The following UBA5 variants were observed in gnomAD, a reference collection of about 807,000 sequenced individuals.
UBA5 encodes the protein ubiquitin like modifier activating enzyme 5.
A neutral mutation model predicts 52.9 loss-of-function variants in UBA5; 28 were observed. The ratio of observed to expected loss-of-function variants is 0.53; its 90% CI spans 0.39 to 0.73. The LOEUF is 0.73. Ranked by LOEUF, UBA5 falls within the 30% of genes least tolerant of loss-of-function variation. UBA5 has a pLI of 0.00. For missense variants in UBA5, 388 were observed against 492.7 expected (o/e 0.79, Z 2.01); for synonymous variants, 135 against 162.1 (o/e 0.83, Z 1.27).
chr3:132,677,195 T>G lies in UBA5; in HGVS notation c.*669T>G, dbSNP rs1460790157. The G allele has an allele frequency of 5.1e-6, 1 of 194,692 alleles. No individual in the cohort carries two copies. Among genetic ancestry groups the G allele is most frequent in the Admixed American group, 5.2e-5 (1 of 19,126 alleles). The allele number at this position is 194,692 out of a possible 1,614,324, so 12.1% of individuals were successfully genotyped here. On this transcript the variant is annotated 3_prime_UTR_variant, in exon 12 of 12. Transcript: ENST00000356232. ...CAGCTATTTTCATGAATAGACAAAG[T>G]TGATTTCAGGAAGTATAAATTATAT...
Position 132,677,163 on chromosome 3 carries a change from T to G in UBA5, c.*637T>G, listed in dbSNP as rs951148470. 1 of 190,984 alleles carries G rather than the reference T, an allele frequency of 5.2e-6. No homozygotes were observed. Among genetic ancestry groups the G allele is most frequent in the Non-Finnish European group, 1.1e-5 (1 of 89,932 alleles). 11.8% of individuals were successfully genotyped at this position (190,984 alleles called of 1,614,324 possible). A position where few individuals can be genotyped will look rare whatever the true frequency, so the allele number is the denominator to read the frequency against. On this transcript the variant is annotated 3_prime_UTR_variant, in exon 12 of 12. Coordinates refer to ENST00000356232, the MANE Select transcript of UBA5 (RefSeq NM_024818.6). ...ATATTCAAAGTGAGACAAAGGCAAA[T>G]AAAAAGCAGCTATTTTCATGAATAG...
chr3:132,668,748 CTAATT>C (rs1029265523), intron 3 of UBA5, 65 bp from the exon 4 acceptor site: 16 of 962,658 alleles, frequency 1.7e-5, no homozygotes, highest in Admixed American at 4.6e-5. Context: ...GTAAAGCTCT[CTAATT>C]TATTTTTTGA....
chr3:132,657,326 T>G (rs1287584667), upstream of UBA5, among the ~76,000 whole-genome samples: 1 of 152,250 alleles, frequency 6.6e-6, no homozygotes, highest in Non-Finnish European at 1.5e-5. Flanking sequence ...TGTTCTATTT[T>G]ATTGGTCTGT....
Position 132,660,512 on chromosome 3 carries a change from G to A in UBA5, c.-26G>A, listed in dbSNP as rs1053817652. 6.5e-7 allele frequency: 1 copy of A among 1,546,526 alleles called. No homozygotes were observed. Among genetic ancestry groups the A allele is most frequent in the African/African-American group, 1.4e-5 (1 of 72,964 alleles). ...AGGCGGCGGCGAAGGCCCGGGCTGG[G>A]AGCGTTGGCGGCCGGAGTCCCAGCC... On this transcript the variant is annotated 5_prime_UTR_variant, in exon 1 of 12. Coordinates refer to ENST00000356232, the MANE Select transcript of UBA5 (RefSeq NM_024818.6). This position sits in a 1 kb window ranked among gnomAD's most constrained non-coding sequence, Gnocchi z 4.1.
chr3:132,658,852 A>T (rs1165212767), upstream of UBA5, among the ~76,000 whole-genome samples: 1 of 152,206 alleles, frequency 6.6e-6, no homozygotes, highest in Non-Finnish European at 1.5e-5. Flanking sequence ...TTCATTAATA[A>T]GACTAATCAA....
rs2107922879 is a variant in UBA5 at position 132,660,810 on chromosome 3, C to T, written c.161+112C>T. 1 of 1,449,770 alleles carries T rather than the reference C, an allele frequency of 6.9e-7. No homozygotes were observed. Among genetic ancestry groups the T allele is most frequent in the Middle Eastern group, 1.9e-4 (1 of 5,148 alleles). 89.8% of individuals were successfully genotyped at this position (1,449,770 alleles called of 1,614,324 possible). On this transcript the variant is annotated intron_variant, in intron 1 of 11. Transcript: ENST00000356232. The surrounding 1 kb of genome is among the most constrained non-coding windows in gnomAD (Gnocchi z 4.1). ...TCATGGGGACGCCCGCCACCCTTTT[C>T]TTGGTCTGCGAATCCTGTTCCCAAA... is the stretch of plus-strand genomic sequence containing the variant.
chr3:132,666,465 G>A (rs1334436896), intron 3 of UBA5, among the ~76,000 whole-genome samples: 1 of 152,058 alleles, frequency 6.6e-6, no homozygotes, highest in African/African-American at 2.4e-5. Flanking sequence ...TTGAACTAGA[G>A]AATGCTCTGG....
At chr3:132,666,112 C>T (rs993884471) in intron 3 of UBA5, 39 bp downstream of exon 3, 1 of 1,560,844 alleles carries the variant, frequency 6.4e-7, no homozygotes, top group African/African-American at 1.4e-5. Flanking sequence ...TAGGGAACTA[C>T]TCACTCCTGG....
upstream of UBA5, among the ~76,000 whole-genome samples, chr3:132,658,603 T>C (rs1425903950): frequency 1.3e-5 from 2 of 152,260 alleles, no homozygotes. Flanking sequence ...ACAAGGCTTC[T>C]AGCCTAGAAA....
chr3:132,672,257 C>T, intron 8 of UBA5, 80 bp downstream of exon 8: 1 of 1,474,336 alleles, frequency 6.8e-7, no homozygotes, highest in Non-Finnish European at 9.1e-7. Context: ...ATTTCAGAAA[C>T]TGAAATTACA....
chr3:132,670,033 AT>A (rs986923792), intron 4 of UBA5, among the ~76,000 whole-genome samples, 164 bp from the exon 5 acceptor site: 1 of 152,016 alleles, frequency 6.6e-6, no homozygotes, highest in Admixed American at 6.6e-5. Flanking sequence ...TTTTAAAAAC[AT>A]TTTTTTAGAG....
upstream of UBA5, among the ~76,000 whole-genome samples, chr3:132,658,716 TTTA>T (rs200371230): frequency 9.5e-3 from 1,444 of 152,326 alleles, 23 homozygotes; most frequent in African/African-American, 0.033. Flanking sequence ...ATCCATCTCA[TTTA>T]TTATTATTTT....
At chr3:132,671,106 T>A in intron 6 of UBA5, 57 bp downstream of exon 6, 2 of 1,412,008 alleles carry the variant, frequency 1.4e-6, no homozygotes, top group Non-Finnish European at 2.0e-6. Context: ...TCCTGTATAT[T>A]CTATCAGTAT....
chr3:132,672,170 G>A lies in UBA5; in HGVS notation c.805G>A (p.Val269Met), dbSNP rs1938634864. The A allele has an allele frequency of 1.2e-6, 2 of 1,613,116 alleles. No individual in the cohort carries two copies. Among genetic ancestry groups the A allele is most frequent in the Non-Finnish European group, 8.5e-7 (1 of 1,179,682 alleles). ...GGTTGCTGGGATCTTAGTACAAAAC[G>A]TGTTAAAGTAAGTCAGGGCTAATTT... ...GVVAGILVQN[V>M]LKFLLNFGTV... Residue 269 changes from valine (V) to methionine (M), a missense_variant, in exon 8 of 12, where the codon GTG becomes ATG. Coordinates refer to ENST00000356232, the MANE Select transcript of UBA5 (RefSeq NM_024818.6).
intron 8 of UBA5, 37 bp downstream of exon 8, chr3:132,672,214 G>C (rs1341091530): frequency 1.9e-6 from 3 of 1,586,056 alleles, no homozygotes; most frequent in Admixed American, 1.8e-5. Flanking sequence ...AGTCTTGTAT[G>C]CTTTCAGTAA....
rs1938784913 is a variant in UBA5, at chr3:132,675,218, CTTTAT to C, written c.813-27_813-23del. ...CTAGTATTTTTCATGTTTTAAATTT[CTTTAT>C]TTAAGTCTATTTTGATTTTTCTAGG... On this transcript the variant is annotated intron_variant, in intron 8 of 11. Coordinates refer to ENST00000356232, the MANE Select transcript of UBA5 (RefSeq NM_024818.6). 3.4e-6 allele frequency: 5 copies of C among 1,466,600 alleles called. No homozygotes were observed. In the East Asian group the frequency reaches 9.4e-5, roughly 27 times the overall value. The allele number at this position is 1,466,600 out of a possible 1,614,324, so 90.8% of individuals were successfully genotyped here. A position where few individuals can be genotyped will look rare whatever the true frequency, so the allele number is the denominator to read the frequency against.
chr3:132,665,716 G>T (rs934273328), intron 1 of UBA5, 107 bp from the exon 2 acceptor site: 4 of 1,116,312 alleles, frequency 3.6e-6, no homozygotes, highest in Non-Finnish European at 5.2e-6. Flanking sequence ...GAAACGATTA[G>T]TAATGATTAT....
At chr3:132,666,105 G>A (rs1938366265) in intron 3 of UBA5, 32 bp downstream of exon 3, 1 of 1,581,208 alleles carries the variant, frequency 6.3e-7, no homozygotes, top group African/African-American at 1.3e-5. Flanking sequence ...TGTCATATAG[G>A]GAACTACTCA....
upstream of UBA5, among the ~76,000 whole-genome samples, chr3:132,656,362 T>A (rs1576630276): frequency 6.6e-6 from 1 of 152,308 alleles, no homozygotes; most frequent in South Asian, 2.1e-4. Context: ...AACTGCTAGG[T>A]CATAGGTCAT....
Sources: allele counts gnomAD v4.1 joint callset (sites outside exome capture counted in the v4.1 genomes callset), GRCh38; gene constraint gnomAD v4.1.1; non-coding constraint Gnocchi (gnomAD v3.1); transcripts MANE v1.5; gene names NCBI Gene and HGNC (gene_info 2026-07-23, HGNC 2026-07-21).